Variants in SAMD5 observed in about 807,000 individuals in gnomAD.
SAMD5 encodes sterile alpha motif domain-containing protein 5.
Under a neutral mutation model 11.3 loss-of-function variants are expected in SAMD5, and 13 were observed. The observed-to-expected ratio is 1.15, with a 90% CI of 0.75 to 1.83. The LOEUF (loss-of-function observed/expected upper bound fraction) is 1.83. Ranked by LOEUF, SAMD5 falls within the 40% of genes most tolerant of loss-of-function variation. SAMD5 has a pLI of 0.00. For synonymous variants in SAMD5, 129 were observed against 111.3 expected, an observed-to-expected ratio of 1.16 and a Z score of -1.00; for missense variants, 255 against 239.1, an observed-to-expected ratio of 1.07 and a Z score of -0.44.
chr6:147,842,736 T>G, the SAMD5 span, among the ~76,000 whole-genome samples: 1 of 152,212 alleles, frequency 6.6e-6, no homozygotes, highest in Non-Finnish European at 1.5e-5. Flanking sequence ...TTAAGATCAA[T>G]AGAAATCACA....
In SAMD5 at chr6:147,551,812, T is replaced by TTATATATATATATATATATATATA. The variant is rs10691979; in HGVS notation, c.460-12580_460-12557dup. Among the ~76,000 whole-genome samples, 40 of 99,416 alleles carry TTATATATATATATATATATATATA rather than the reference T, an allele frequency of 4.0e-4. 1 individual carries two copies. Among genetic ancestry groups the TTATATATATATATATATATATATA allele is most frequent in the African/African-American group, 1.3e-3 (36 of 28,286 alleles). The allele number at this position is 99,416 out of a possible 152,430, so 65.2% of individuals were successfully genotyped here. A position where few individuals can be genotyped will look rare whatever the true frequency, so the allele number is the denominator to read the frequency against. Reference sequence around the variant, plus strand: ...CTTAAATGTGATTCTTATATATATGTTATATATATATATATATATATATAT... The same window carrying TTATATATATATATATATATATATA: ...CTTAAATGTGATTCTTATATATATGTTATATATATATATATATATATATATATATATATATATATATATATATAT... On this transcript the variant is annotated intron_variant, in intron 1 of 1. Transcript: ENST00000367474.
the SAMD5 span, among the ~76,000 whole-genome samples, chr6:147,896,485 A>G: frequency 6.6e-6 from 1 of 152,020 alleles, no homozygotes; most frequent in African/African-American, 2.4e-5. Context: ...GAGGAGGTAC[A>G]TGGTCCAGTT....
chr6:147,515,476 T>TC (rs1788155761), intron 1 of SAMD5, among the ~76,000 whole-genome samples: 1 of 149,168 alleles, frequency 6.7e-6, no homozygotes, highest in African/African-American at 2.5e-5. Context: ...ATCCATCCAT[T>TC]CATTTATTCA....
chr6:147,646,198 T>C (rs1172615745), intron 1 of SAMD5, among the ~76,000 whole-genome samples: 1 of 152,132 alleles, frequency 6.6e-6, no homozygotes, highest in East Asian at 1.9e-4. Context: ...AATACTCTAC[T>C]GGTGACTGGA....
At chr6:147,844,370 G>A in the SAMD5 span, among the ~76,000 whole-genome samples, 1 of 152,132 alleles carries the variant, frequency 6.6e-6, no homozygotes, top group African/African-American at 2.4e-5. Flanking sequence ...GGAGAGAAGG[G>A]AATCTTTGTG....
At chr6:147,816,301 A>AAAT in the SAMD5 span, among the ~76,000 whole-genome samples, 83 of 66,360 alleles carry the variant, frequency 1.3e-3, no homozygotes, top group East Asian at 3.6e-3. Context: ...AAAAAAAAAA[A>AAAT]ATATATATAT....
chr6:147,831,030 G>A, the SAMD5 span, among the ~76,000 whole-genome samples: 90 of 152,334 alleles, frequency 5.9e-4, 1 homozygote, highest in African/African-American at 1.8e-3. Context: ...CCTGGCACAC[G>A]TAAGAGGAAC....
chr6:147,889,762 A>G, the SAMD5 span, among the ~76,000 whole-genome samples: 25 of 152,320 alleles, frequency 1.6e-4, no homozygotes, highest in African/African-American at 6.0e-4. Flanking sequence ...GACTCCAGGC[A>G]TTTGTTTAGT....
chr6:147,811,360 G>A, the SAMD5 span, among the ~76,000 whole-genome samples: 4 of 152,198 alleles, frequency 2.6e-5, no homozygotes, highest in Admixed American at 1.3e-4. Context: ...TTTATGGCAA[G>A]AAAGAGTATA....
the SAMD5 span, among the ~76,000 whole-genome samples, chr6:147,761,327 G>A: frequency 6.6e-6 from 1 of 152,010 alleles, no homozygotes; most frequent in African/African-American, 2.4e-5. Context: ...GGAAATGAAT[G>A]GTAATTGTCA....
chr6:147,701,281 TTATATA>T (rs989924260), intron 1 of SAMD5, among the ~76,000 whole-genome samples: 2 of 152,070 alleles, frequency 1.3e-5, no homozygotes, highest in African/African-American at 4.8e-5. Flanking sequence ...ATATAAAAAA[TTATATA>T]TAAGCATGCA....
chr6:147,795,410 G>C, the SAMD5 span, among the ~76,000 whole-genome samples: 1 of 138,990 alleles, frequency 7.2e-6, no homozygotes, highest in Non-Finnish European at 1.5e-5. Context: ...ATTTTTTATG[G>C]CTGCATAGTA....
At chr6:147,865,555 G>A in the SAMD5 span, among the ~76,000 whole-genome samples, 1 of 152,126 alleles carries the variant, frequency 6.6e-6, no homozygotes, top group African/African-American at 2.4e-5. Context: ...GTATTGACAT[G>A]TAATACATTT....
intron 1 of SAMD5, among the ~76,000 whole-genome samples, chr6:147,514,700 G>A (rs1043116528): frequency 4.6e-5 from 7 of 151,918 alleles, no homozygotes; most frequent in African/African-American, 1.5e-4. Flanking sequence ...TGTGGGGGAG[G>A]CATCTAGATT....
intron 1 of SAMD5, among the ~76,000 whole-genome samples, chr6:147,534,100 C>A (rs1013693795): frequency 6.6e-6 from 1 of 152,008 alleles, no homozygotes; most frequent in Non-Finnish European, 1.5e-5. Context: ...TGGACATGAC[C>A]CGGGGTACCT....
At chr6:147,527,552 G>C (rs1014150245) in intron 1 of SAMD5, among the ~76,000 whole-genome samples, 6 of 151,888 alleles carry the variant, frequency 4.0e-5, no homozygotes, top group Non-Finnish European at 8.8e-5. Flanking sequence ...GGGTGGGTAC[G>C]CATATCCAAA....
chr6:147,743,529 T>C, the SAMD5 span, among the ~76,000 whole-genome samples: 1 of 152,074 alleles, frequency 6.6e-6, no homozygotes, highest in African/African-American at 2.4e-5. Flanking sequence ...TTGTAACTAC[T>C]CCTCAACTAT....
At chr6:147,927,854 T>A in the SAMD5 span, among the ~76,000 whole-genome samples, 10 of 152,318 alleles carry the variant, frequency 6.6e-5, no homozygotes, top group Non-Finnish European at 1.2e-4. Flanking sequence ...ATATCTAGTT[T>A]ACTGAGAATT....
chr6:147,849,768 C>T, the SAMD5 span, among the ~76,000 whole-genome samples: 128 of 152,326 alleles, frequency 8.4e-4, no homozygotes, highest in Middle Eastern at 6.8e-3. Flanking sequence ...ACCTGAGGCT[C>T]TTGTTCAGAC....
Sources: gnomAD v4.1 joint callset for allele counts (sites outside exome capture counted in the v4.1 genomes callset) on GRCh38, gnomAD v4.1.1 for gene constraint, MANE v1.5 for transcripts, NCBI Gene and HGNC (gene_info 2026-07-23, HGNC 2026-07-21) for gene names.